ZIC3: variants seen among roughly 807,000 people sequenced by gnomAD.
The protein encoded by ZIC3 is Zic family zinc finger 3.
Under a neutral mutation model 18.3 loss-of-function variants are expected in ZIC3, and 6 were observed. That is an observed-to-expected ratio of 0.33 (90% CI 0.18 to 0.65). ZIC3 has a LOEUF of 0.65. Ranked by LOEUF, ZIC3 falls within the 30% of genes least tolerant of loss-of-function variation. The probability of loss-of-function intolerance (pLI) is 0.75; values close to 1 mark genes in which losing one functional copy is unlikely to be tolerated. For synonymous variants in ZIC3, 175 were observed against 177.0 expected (o/e 0.99, Z 0.09); for missense variants, 260 against 410.0 (o/e 0.63, Z 3.16).
At chrX:137,576,460 A>G (rs960946523), downstream of ZIC3, among the ~76,000 whole-genome samples, 45 of 111,834 alleles carry the variant, frequency 4.0e-4, no homozygotes, top group African/African-American at 1.4e-3. Context: ...TGATTTTTAT[A>G]GAAGTTATGT....
At position 137,569,075 on chromosome X, in the gene ZIC3, T is replaced by C. The variant is rs1460977867; in HGVS notation, c.1224+10T>C. 3.3e-6 allele frequency: 4 copies of C among 1,208,638 alleles called. No homozygotes were observed. The highest frequency in any genetic ancestry group is 3.5e-5 in the African/African-American group (2 of 56,810). ...GCGCAAACACATGAAGGTAATTACC[T>C]CTTTATTAGCGGTCGGCGGTTTGTA... On this transcript the variant is annotated intron_variant, in intron 2 of 2. Coordinates refer to ENST00000287538, the MANE Select transcript of ZIC3 (RefSeq NM_003413.4).
intron 1 of ZIC3, 78 bp downstream of exon 1, chrX:137,567,829 G>A: frequency 2.5e-6 from 3 of 1,206,437 alleles, no homozygotes; most frequent in Non-Finnish European, 3.4e-6. Context: ...GCGAGGGAGA[G>A]AGGTGGCGGC....
chrX:137,566,788 G>T lies in ZIC3; in HGVS notation c.97G>T (p.Ala33Ser), dbSNP rs746833203. ...CCACGAGATGCCCAACCGTGAGCCG[G>T]CAGGCATGGGGCTGAATCCCTTCGG... ...RHHEMPNREP[A>S]GMGLNPFGDS... The change falls in exon 1 of 3, where the codon GCA (alanine) becomes TCA (serine). Residue 33 changes from alanine (A) to serine (S), a missense_variant. Ala to Ser is a moderately conservative substitution (Grantham distance 99). Around this residue, in one of 4 missense-constraint regions of ZIC3, gnomAD observed 183 missense variants for 223.8 expected, o/e 0.82. Transcript: ENST00000287538. The T allele has an allele frequency of 2.8e-5, 33 of 1,178,709 alleles. No homozygotes were observed. The African/African-American group carries it at 4.6e-4, about 16-fold the overall frequency.
downstream of ZIC3, chrX:137,577,099 T>C: frequency 2.0e-6 from 1 of 508,023 alleles, no homozygotes; most frequent in Non-Finnish European, 3.6e-6. Flanking sequence ...CTATCTGCAG[T>C]TCACTTTTTG....
At position 137,566,544 on chromosome X, in the gene ZIC3, G is replaced by GT; in HGVS notation, c.-146dup. On this transcript the variant is annotated 5_prime_UTR_variant, in exon 1 of 3. Transcript: ENST00000287538. ...CAGGAGACTCTTGCAGTGACGGAAA[G>GT]TTGCAGCCCCTGGTAGCGCCTTGGG... 1.1e-6 allele frequency: 1 copy of GT among 878,071 alleles called. No individual in the cohort carries two copies. The highest frequency in any genetic ancestry group is 1.5e-6 in the Non-Finnish European group (1 of 674,809). 72.4% of individuals were successfully genotyped at this position (878,071 alleles called of 1,213,427 possible).
Position 137,566,322 on chromosome X carries a change from A to C in ZIC3, c.-370A>C. On this transcript the variant is annotated 5_prime_UTR_variant, in exon 1 of 3. Coordinates refer to ENST00000287538, the MANE Select transcript of ZIC3 (RefSeq NM_003413.4). ...GCCCCGCGGTTCTGTGCACTCGGGG[A>C]GAGGAGGGGTGCCCGGGACAGGATT... 1 of 226,823 alleles carries C rather than the reference A, an allele frequency of 4.4e-6. No homozygotes were observed. The highest frequency in any genetic ancestry group is 8.0e-6 in the Non-Finnish European group (1 of 125,665). The allele number at this position is 226,823 out of a possible 1,213,427, so 18.7% of individuals were successfully genotyped here.
intron 2 of ZIC3, among the ~76,000 whole-genome samples, chrX:137,569,314 C>A (rs1057058308): frequency 1.5e-4 from 17 of 112,040 alleles, no homozygotes; most frequent in African/African-American, 5.2e-4. Context: ...AAGCTCTAGC[C>A]GAGCTCGCCT....
chrX:137,573,208 G>C (rs956280689), downstream of ZIC3, among the ~76,000 whole-genome samples: 4 of 108,255 alleles, frequency 3.7e-5, no homozygotes, highest in Non-Finnish European at 7.6e-5. Flanking sequence ...CATGGGCCAG[G>C]CTCTTAGGAA....
In ZIC3 at chrX:137,572,089, T is replaced by C. The variant is rs965967001; in HGVS notation, c.*2019T>C. Among the ~76,000 whole-genome samples the C allele has an allele frequency of 2.7e-5, 3 of 112,498 alleles. No homozygotes were observed. The highest frequency in any genetic ancestry group is 5.6e-5 in the Non-Finnish European group (3 of 53,339). ...AGAAATAAAGTCTTGGCACATCTTA[T>C]TTATGTTATAACATTTTTGTATTTG... On this transcript the variant is annotated 3_prime_UTR_variant, in exon 3 of 3. Transcript: ENST00000287538.
downstream of ZIC3, among the ~76,000 whole-genome samples, chrX:137,575,096 T>C (rs1223393307): frequency 1.8e-5 from 2 of 111,913 alleles, no homozygotes; most frequent in Non-Finnish European, 3.8e-5. Context: ...TTTCGAGTTA[T>C]CAGGCCCCGG....
At position 137,567,325 on chromosome X, in the gene ZIC3, G is replaced by A; in HGVS notation, c.634G>A (p.Ala212Thr). Residue 212 changes from alanine to threonine, a missense_variant, in exon 1 of 3, where the codon GCC becomes ACC. Ala to Thr is a moderately conservative substitution (Grantham distance 58, BLOSUM62 0). Around this residue, in one of 4 missense-constraint regions of ZIC3, gnomAD observed 183 missense variants for 223.8 expected, o/e 0.82. Coordinates refer to ENST00000287538, the MANE Select transcript of ZIC3 (RefSeq NM_003413.4). The part of the protein sequence containing the change: ...VASPRTDPYA[A>T]GAQFPNYSPM... ...CAGCCCGCGCACGGACCCCTACGCG[G>A]CCGGCGCTCAGTTTCCTAACTACAG... is the stretch of plus-strand genomic sequence containing the variant. 1.7e-6 allele frequency: 2 copies of A among 1,211,490 alleles called. No homozygotes were observed. Among genetic ancestry groups the A allele is most frequent in the Non-Finnish European group, 2.2e-6 (2 of 895,595 alleles).
downstream of ZIC3, among the ~76,000 whole-genome samples, chrX:137,575,059 G>C (rs1382043722): frequency 3.6e-5 from 4 of 111,935 alleles, no homozygotes; most frequent in Admixed American, 3.7e-4. Flanking sequence ...CGCCCCCTCC[G>C]GGAGCTGCCA....
chrX:137,569,443 A>G (rs983741094), intron 2 of ZIC3, among the ~76,000 whole-genome samples: 11 of 112,246 alleles, frequency 9.8e-5, no homozygotes, highest in Admixed American at 1.9e-4. Context: ...GGATAAAACA[A>G]TAGGGCCGAG....
chrX:137,573,275 T>G (rs1931465727), downstream of ZIC3, among the ~76,000 whole-genome samples: 2 of 111,807 alleles, frequency 1.8e-5, no homozygotes, highest in African/African-American at 3.3e-5. Flanking sequence ...AGTCCCTTTT[T>G]CAAAATGAGT....
downstream of ZIC3, among the ~76,000 whole-genome samples, chrX:137,572,482 A>G (rs765114716): frequency 8.9e-6 from 1 of 112,104 alleles, no homozygotes; most frequent in Non-Finnish European, 1.9e-5. Flanking sequence ...GCTGGACCAG[A>G]TTCCTATTTC....
Position 137,568,886 on chromosome X carries a change from T to C in ZIC3, c.1061-16T>C. The C allele has an allele frequency of 8.3e-7, 1 of 1,209,202 alleles. No homozygotes were observed. The highest frequency in any genetic ancestry group is 2.2e-5 in the Admixed American group (1 of 45,908). On this transcript the variant is annotated splice_polypyrimidine_tract_variant and intron_variant, in intron 1 of 2. Transcript: ENST00000287538. ...CTGACCGTATTTTACCCCCCTTGGG[T>C]TTTTGCCTTTTGCAGGTGAGAAACC...
chrX:137,568,872 T>TTA, intron 1 of ZIC3, 30 bp from the exon 2 acceptor site: 1 of 1,209,581 alleles, frequency 8.3e-7, no homozygotes, highest in Non-Finnish European at 1.1e-6. Context: ...TGACCGTATT[T>TTA]TACCCCCCTT....
chrX:137,577,282 A>G, exon 3 of ZIC3: 1 of 509,650 alleles, frequency 2.0e-6, no homozygotes, highest in Non-Finnish European at 3.6e-6. Context: ...TGAGGTTTCA[A>G]AGAAAACCAC....
At position 137,570,168 on chromosome X, in the gene ZIC3, G is replaced by A; in HGVS notation, c.*98G>A. On this transcript the variant is annotated 3_prime_UTR_variant, in exon 3 of 3. Coordinates refer to ENST00000287538, the MANE Select transcript of ZIC3 (RefSeq NM_003413.4). The stretch of plus-strand genomic sequence containing the variant: ...TGGAAATGGAGTTTTAAGGCAAGAG[G>A]CCATATATAGGGCTACATCTTGTTA... 1 of 997,271 alleles carries A rather than the reference G, an allele frequency of 1.0e-6. No individual in the cohort carries two copies. The highest frequency in any genetic ancestry group is 1.4e-6 in the Non-Finnish European group (1 of 702,584). 82.2% of individuals were successfully genotyped at this position (997,271 alleles called of 1,213,427 possible). A position where few individuals can be genotyped will look rare whatever the true frequency, so the allele number is the denominator to read the frequency against.
Sources: gnomAD v4.1 joint callset for allele counts (sites outside exome capture counted in the v4.1 genomes callset) on GRCh38, gnomAD v4.1.1 for gene constraint, gnomAD v4.1.1 regional missense constraint, MANE v1.5 for transcripts, NCBI Gene and HGNC (gene_info 2026-07-23, HGNC 2026-07-21) for gene names.